The following NEU3 variants were observed in gnomAD, a reference collection of about 807,000 sequenced individuals.
NEU3 encodes neuraminidase 3, also known as sialidase-3.
In NEU3, 10 loss-of-function variants were observed where a neutral mutation model predicts 11.4. The ratio of observed to expected loss-of-function variants is 0.88; its 90% CI spans 0.54 to 1.49. The LOEUF (loss-of-function observed/expected upper bound fraction) is 1.49. Among genes scored for constraint, NEU3 ranks in the 40% most tolerant of loss-of-function variants. The pLI, the probability that NEU3 is intolerant of heterozygous loss-of-function variation, is 0.00. For synonymous variants in NEU3, 212 were observed against 228.2 expected (o/e 0.93, Z 0.64); for missense variants, 529 against 581.8 (o/e 0.91, Z 0.93).
At chr11:74,986,381 G>A (rs1013797664), upstream of NEU3, among the ~76,000 whole-genome samples, 29 of 152,160 alleles carry the variant, frequency 1.9e-4, no homozygotes, top group African/African-American at 5.6e-4. Context: ...CCTCTAAAGC[G>A]ACTGTACCAA....
downstream of NEU3, among the ~76,000 whole-genome samples, chr11:75,012,122 A>G (rs938580843): frequency 2.0e-5 from 3 of 152,158 alleles, no homozygotes; most frequent in African/African-American, 4.8e-5. Flanking sequence ...TTCCGTCTGC[A>G]TGCATTTACA....
At chr11:74,992,242 G>A (rs1374580249) in intron 1 of NEU3, among the ~76,000 whole-genome samples, 1 of 152,192 alleles carries the variant, frequency 6.6e-6, no homozygotes, top group Non-Finnish European at 1.5e-5. Context: ...TGCCACTTTT[G>A]TGTTTTTCTA....
chr11:74,983,933 C>T (rs941089104), upstream of NEU3, among the ~76,000 whole-genome samples: 7 of 151,992 alleles, frequency 4.6e-5, no homozygotes, highest in Non-Finnish European at 1.0e-4. Context: ...TTTTTCCTAC[C>T]TTGTTGGATA....
intron 2 of NEU3, among the ~76,000 whole-genome samples, chr11:74,996,587 CTCA>C (rs1210679050): frequency 1.3e-5 from 2 of 152,190 alleles, no homozygotes; most frequent in African/African-American, 4.8e-5. Flanking sequence ...GAATCAACTT[CTCA>C]ATGTCTCTTA....
chr11:75,003,182 C>T (rs890376762), intron 2 of NEU3, among the ~76,000 whole-genome samples: 1 of 152,150 alleles, frequency 6.6e-6, no homozygotes, highest in Non-Finnish European at 1.5e-5. Context: ...CAGTTCCATC[C>T]TTATTCCTTG....
upstream of NEU3, among the ~76,000 whole-genome samples, chr11:74,985,314 G>A (rs957419618): frequency 1.3e-5 from 2 of 152,056 alleles, no homozygotes; most frequent in African/African-American, 4.8e-5. Context: ...AGTCCTCAGG[G>A]TATCCTTAAT....
At chr11:74,990,514 G>C (rs1253786061) in intron 1 of NEU3, among the ~76,000 whole-genome samples, 1 of 152,110 alleles carries the variant, frequency 6.6e-6, no homozygotes, top group African/African-American at 2.4e-5. Flanking sequence ...ATGCCACCAT[G>C]CCTGGCCAAT....
Position 75,006,579 on chromosome 11 carries a change from A to T in NEU3, c.*87A>T. On this transcript the variant is annotated 3_prime_UTR_variant, in exon 3 of 3. Coordinates refer to ENST00000294064, the MANE Select transcript of NEU3 (RefSeq NM_006656.6). Reference sequence around the variant, plus strand: ...ACTGAAGTCTACAGATAATCAAAAAACTTAATATTCTGTTCCCTACCTTTT... The same window carrying T: ...ACTGAAGTCTACAGATAATCAAAAATCTTAATATTCTGTTCCCTACCTTTT... 1.4e-6 allele frequency: 2 copies of T among 1,442,870 alleles called. No individual in the cohort carries two copies. The highest frequency in any genetic ancestry group is 1.8e-6 in the Non-Finnish European group (2 of 1,082,866). 89.4% of individuals were successfully genotyped at this position (1,442,870 alleles called of 1,614,324 possible). A position where few individuals can be genotyped will look rare whatever the true frequency, so the allele number is the denominator to read the frequency against.
Position 74,988,963 on chromosome 11 carries a change from G to T in NEU3, c.-98G>T, listed in dbSNP as rs1201201398. 7.6e-6 allele frequency: 7 copies of T among 917,192 alleles called. No homozygotes were observed. The African/African-American group carries it at 1.2e-4, about 16-fold the overall frequency. 56.8% of individuals were successfully genotyped at this position (917,192 alleles called of 1,614,324 possible). A position where few individuals can be genotyped will look rare whatever the true frequency, so the allele number is the denominator to read the frequency against. ...ACACGCTCTTCGCTTCTCGGGGCTT[G>T]TCTCCGTGTCCTCCGTCTCAGTTGT... On this transcript the variant is annotated 5_prime_UTR_variant, in exon 1 of 3. Coordinates refer to ENST00000294064, the MANE Select transcript of NEU3 (RefSeq NM_006656.6).
At position 75,005,928 on chromosome 11, in the gene NEU3, T is replaced by C. The variant is rs770766955; in HGVS notation, c.822T>C (p.Tyr274=). The C allele has an allele frequency of 1.2e-6, 2 of 1,613,704 alleles. No individual in the cohort carries two copies. The highest frequency in any genetic ancestry group is 2.2e-5 in the South Asian group (2 of 91,084). Residue 274 remains tyrosine (Y), a synonymous_variant, in exon 3 of 3, where the codon TAT becomes TAC. Coordinates refer to ENST00000294064, the MANE Select transcript of NEU3 (RefSeq NM_006656.6). ...VTGRAGHPVL[Y]CSARTPNRCR... ...GGAGGGCTGGCCACCCTGTGCTATA[T>C]TGCAGTGCCCGGACACCAAACAGGT...
chr11:74,994,092 G>GA (rs1188398984), intron 1 of NEU3, among the ~76,000 whole-genome samples: 1 of 151,954 alleles, frequency 6.6e-6, no homozygotes, highest in Non-Finnish European at 1.5e-5. Context: ...CTTTCGTACA[G>GA]AAAAAAAGTT....
At position 74,989,100 on chromosome 11, in the gene NEU3, T is replaced by A. The variant is rs749790789; in HGVS notation, c.40T>A (p.Ser14Thr). ...ADLPPRPMEE[S>T]PASSSAPTET... ...CCTGCCCCCGCGCCCCATGGAAGAA[T>A]CCCCGGCGTCCAGCTCTGCCCCGAC... Residue 14 changes from serine (S) to threonine (T), a missense_variant, in exon 1 of 3, where the codon TCC becomes ACC. Transcript: ENST00000294064. 1.3e-6 allele frequency: 2 copies of A among 1,550,602 alleles called. No individual in the cohort carries two copies. Among genetic ancestry groups the A allele is most frequent in the South Asian group, 2.4e-5 (2 of 84,014 alleles).
intron 2 of NEU3, among the ~76,000 whole-genome samples, chr11:74,999,647 C>T (rs956539191): frequency 6.6e-6 from 1 of 152,162 alleles, no homozygotes; most frequent in Non-Finnish European, 1.5e-5. Flanking sequence ...ATAGTAAGAA[C>T]TAAACATTTG....
chr11:75,012,467 A>G (rs146868291), downstream of NEU3, among the ~76,000 whole-genome samples: 24 of 152,358 alleles, frequency 1.6e-4, no homozygotes, highest in Non-Finnish European at 2.5e-4. Context: ...AGGCCTTTGC[A>G]TGCTAACCAT....
chr11:75,002,830 G>A (rs1028886840), intron 2 of NEU3, among the ~76,000 whole-genome samples: 8 of 152,082 alleles, frequency 5.3e-5, no homozygotes, highest in Non-Finnish European at 8.8e-5. Flanking sequence ...TTTAATCTAT[G>A]TATTCTTTTG....
At position 75,006,528 on chromosome 11, in the gene NEU3, C is replaced by T; in HGVS notation, c.*36C>T. 1 of 1,564,002 alleles carries T rather than the reference C, an allele frequency of 6.4e-7. No individual in the cohort carries two copies. The highest frequency in any genetic ancestry group is 1.4e-5 in the African/African-American group (1 of 73,704). On this transcript the variant is annotated 3_prime_UTR_variant, in exon 3 of 3. Transcript: ENST00000294064. Reference sequence around the variant, plus strand: ...ACCCAATTTCCATAGATGCAAATGGCAGTTACAGACAGGTTAACAGAAGCT... The same window carrying T: ...ACCCAATTTCCATAGATGCAAATGGTAGTTACAGACAGGTTAACAGAAGCT...
the NEU3 span, among the ~76,000 whole-genome samples, chr11:74,980,868 A>G: frequency 1.3e-5 from 2 of 152,214 alleles, no homozygotes; most frequent in African/African-American, 4.8e-5. Flanking sequence ...TGCTGCTACT[A>G]ACATTCTTCC....
Position 74,994,508 on chromosome 11 carries a change from G to A in NEU3, c.95-1G>A. The A allele has an allele frequency of 6.2e-7, 1 of 1,602,672 alleles. No homozygotes were observed. The highest frequency in any genetic ancestry group is 8.5e-7 in the Non-Finnish European group (1 of 1,173,000). On this transcript the variant is annotated splice_acceptor_variant, in intron 1 of 2. Transcript: ENST00000294064. LOFTEE classifies it high-confidence loss of function. The stretch of plus-strand genomic sequence containing the variant: ...CATTAAGCTTCCTTCTATCCTTGCA[G>A]AGGTCATGGAAGAAGTGACAACATG...
chr11:74,986,548 CTG>C (rs1381695799), upstream of NEU3, among the ~76,000 whole-genome samples: 1 of 152,154 alleles, frequency 6.6e-6, no homozygotes, highest in Non-Finnish European at 1.5e-5. Context: ...TTTTCTAAAA[CTG>C]TATTAACTTT....
Sources: gnomAD v4.1 joint callset for allele counts (sites outside exome capture counted in the v4.1 genomes callset) on GRCh38, gnomAD v4.1.1 for gene constraint, MANE v1.5 for transcripts, NCBI Gene and HGNC (gene_info 2026-07-23, HGNC 2026-07-21) for gene names.